The following C14orf39 variants were observed in gnomAD, a reference collection of about 807,000 sequenced individuals.
C14orf39 encodes the protein protein SIX6OS1.
A neutral mutation model predicts 85.6 loss-of-function variants in C14orf39; 66 were observed. The observed-to-expected ratio is 0.77, with a 90% CI of 0.63 to 0.95. The LOEUF is 0.95. C14orf39 is among the 40% of genes least tolerant of loss of function. C14orf39 has a pLI of 0.00. For synonymous variants in C14orf39, 242 were observed against 214.0 expected, an observed-to-expected ratio of 1.13 and a Z score of -1.14; for missense variants, 735 against 663.9, an observed-to-expected ratio of 1.11 and a Z score of -1.18.
At chr14:60,438,684 A>G (rs1449145032) in intron 17 of C14orf39, among the ~76,000 whole-genome samples, 1 of 152,170 alleles carries the variant, frequency 6.6e-6, no homozygotes, top group Non-Finnish European at 1.5e-5. Flanking sequence ...AGATATTCAG[A>G]AAAGAGAGGG....
chr14:60,487,439 C>T, upstream of C14orf39, among the ~76,000 whole-genome samples: 1 of 151,726 alleles, frequency 6.6e-6, no homozygotes, highest in East Asian at 1.9e-4. Context: ...CATCCATCAT[C>T]CATGTGGTCA....
At chr14:60,496,340 T>A in intron 2 of C14orf39, 1 of 355,742 alleles carries the variant, frequency 2.8e-6, no homozygotes. Flanking sequence ...CCATAGTGCC[T>A]GAAGAGTCAC....
rs1177915746 is a variant in C14orf39, at chr14:60,484,296, C to A, written c.107-479G>T. On this transcript the variant is annotated intron_variant, in intron 3 of 17. Transcript: ENST00000321731. The surrounding 1 kb of genome is among the most constrained non-coding windows in gnomAD (Gnocchi z 4.2). ...ATAGAAGATAAAATGGACATAATTTCTTAAAAAGATTAAAATAAATTCTTA... is the reference window on the plus strand; with the variant it reads ...ATAGAAGATAAAATGGACATAATTTATTAAAAAGATTAAAATAAATTCTTA... Among the ~76,000 whole-genome samples the A allele has an allele frequency of 6.6e-6, 1 of 152,074 alleles. No individual in the cohort carries two copies. Among genetic ancestry groups the A allele is most frequent in the African/African-American group, 2.4e-5 (1 of 41,410 alleles).
intron 2 of C14orf39, chr14:60,494,242 T>C: frequency 5.1e-6 from 1 of 197,280 alleles, no homozygotes; most frequent in South Asian, 1.0e-4. Context: ...ATAGGCAGCT[T>C]CTTTCCATGG....
At chr14:60,511,535 G>A (rs1251775976) in intron 1 of C14orf39, 3 of 561,332 alleles carry the variant, frequency 5.3e-6, no homozygotes, top group African/African-American at 3.8e-5. Flanking sequence ...AGTCTCCTTC[G>A]GAACCCGAAC....
intron 5 of C14orf39, among the ~76,000 whole-genome samples, chr14:60,474,477 C>T (rs1371547193): frequency 1.3e-5 from 1 of 75,546 alleles, no homozygotes; most frequent in Non-Finnish European, 3.4e-5. Flanking sequence ...CTGTCTTGTG[C>T]CAGTTTTCAA....
intron 5 of C14orf39, among the ~76,000 whole-genome samples, chr14:60,472,188 A>G (rs1892119088): frequency 6.6e-6 from 1 of 151,876 alleles, no homozygotes; most frequent in Non-Finnish European, 1.5e-5. Context: ...TTTAATCTTC[A>G]ATTTTCATTA....
At chr14:60,475,491 C>T (rs1595478019) in intron 5 of C14orf39, among the ~76,000 whole-genome samples, 2 of 152,196 alleles carry the variant, frequency 1.3e-5, no homozygotes, top group Admixed American at 6.5e-5. Flanking sequence ...ATGATTTTTA[C>T]ATGTTTAAAT....
intron 9 of C14orf39, among the ~76,000 whole-genome samples, chr14:60,467,861 A>G (rs1437156297): frequency 2.0e-5 from 3 of 151,746 alleles, no homozygotes; most frequent in South Asian, 2.1e-4. Flanking sequence ...AAGTAGGGGG[A>G]AAAAGTAAAA....
intron 16 of C14orf39, among the ~76,000 whole-genome samples, chr14:60,447,952 C>G (rs555323093): frequency 6.6e-6 from 1 of 152,296 alleles, no homozygotes; most frequent in Non-Finnish European, 1.5e-5. Context: ...AAAGGATTCC[C>G]TATTTAATAA....
chr14:60,437,193 C>G (rs1385404987), intron 17 of C14orf39, 146 bp from the exon 18 acceptor site: 1 of 594,398 alleles, frequency 1.7e-6, no homozygotes, highest in East Asian at 2.9e-5. Flanking sequence ...TTGTATTCCT[C>G]TTAAGTGCAA....
At chr14:60,494,016 A>T (rs140621364) in intron 2 of C14orf39, 2 of 205,744 alleles carry the variant, frequency 9.7e-6, no homozygotes, top group Non-Finnish European at 2.0e-5. Flanking sequence ...AAAGAGGGAC[A>T]CTGGAAGGGT....
chr14:60,474,201 T>C (rs1351655826), intron 5 of C14orf39, among the ~76,000 whole-genome samples: 1 of 152,172 alleles, frequency 6.6e-6, no homozygotes, highest in Non-Finnish European at 1.5e-5. Flanking sequence ...TTTGGCTGTT[T>C]GTCTGTTATT....
intron 7 of C14orf39, among the ~76,000 whole-genome samples, chr14:60,470,254 A>G (rs1205709070): frequency 6.6e-6 from 1 of 151,844 alleles, no homozygotes; most frequent in Non-Finnish European, 1.5e-5. Context: ...CTATTAATAC[A>G]TTCCACGTGG....
rs778069964 is a variant in C14orf39 at position 60,469,617 on chromosome 14, T to A, written c.591A>T (p.Lys197Asn). Residue 197 changes from lysine to asparagine, a missense_variant, in exon 8 of 18, where the codon AAA (lysine) becomes AAT (asparagine). Lys to Asn is a moderately conservative substitution (Grantham distance 94). Coordinates refer to ENST00000321731, the MANE Select transcript of C14orf39 (RefSeq NM_174978.3). Reference protein sequence around the residue: ...NLRCETQDILKHASNLTKSSS... With the variant: ...NLRCETQDILNHASNLTKSSS... ...AACTTTTGGTAAGATTGCTGGCATG[T>A]TTAAGAATATCTTGTGTTTCACATC... 1.3e-6 allele frequency: 2 copies of A among 1,504,158 alleles called. No individual in the cohort carries two copies. The highest frequency in any genetic ancestry group is 1.8e-6 in the Non-Finnish European group (2 of 1,112,134). The allele number at this position is 1,504,158 out of a possible 1,614,324, so 93.2% of individuals were successfully genotyped here. A position where few individuals can be genotyped will look rare whatever the true frequency, so the allele number is the denominator to read the frequency against.
In C14orf39 at chr14:60,484,769, T is replaced by C. The variant is rs1321767256; in HGVS notation, c.106+112A>G. 1.4e-6 allele frequency: 1 copy of C among 727,580 alleles called. No individual in the cohort carries two copies. The highest frequency in any genetic ancestry group is 1.8e-5 in the South Asian group (1 of 56,066). The allele number at this position is 727,580 out of a possible 1,614,324, so 45.1% of individuals were successfully genotyped here. A position where few individuals can be genotyped will look rare whatever the true frequency, so the allele number is the denominator to read the frequency against. ...TAGTTTATTTGTCGCTAGAGAGAAC[T>C]GACACAAAAGTTATAACGCCAACAA... On this transcript the variant is annotated intron_variant, in intron 3 of 17. Coordinates refer to ENST00000321731, the MANE Select transcript of C14orf39 (RefSeq NM_174978.3). This position sits in a 1 kb window ranked among gnomAD's most constrained non-coding sequence, Gnocchi z 4.2.
intron 8 of C14orf39, among the ~76,000 whole-genome samples, chr14:60,468,927 GTATT>G (rs920780888): frequency 2.0e-5 from 3 of 151,300 alleles, no homozygotes; most frequent in African/African-American, 7.3e-5. Flanking sequence ...TAAGTATACA[GTATT>G]TAACATAATT....
chr14:60,445,343 T>A (rs575966680), intron 16 of C14orf39, among the ~76,000 whole-genome samples: 33 of 151,914 alleles, frequency 2.2e-4, no homozygotes, highest in Non-Finnish European at 3.4e-4. Flanking sequence ...GAGACACACA[T>A]AGGCTCAAAA....
Position 60,436,955 on chromosome 14 carries a change from C to T in C14orf39, c.1654G>A (p.Asp552Asn). The change falls in exon 18 of 18, where the codon GAT becomes AAT. Residue 552 changes from aspartate to asparagine, a missense_variant. Transcript: ENST00000321731. Reference protein sequence around the residue: ...STHTFGAGKDDFSFPFSFGQG... With the variant: ...STHTFGAGKDNFSFPFSFGQG... ...CCAAATGAAAATGGAAAACTAAAATCATCTTTTCCAGCTCCAAATGTATGA... is the reference window on the plus strand; with the variant it reads ...CCAAATGAAAATGGAAAACTAAAATTATCTTTTCCAGCTCCAAATGTATGA... 1 of 1,612,550 alleles carries T rather than the reference C, an allele frequency of 6.2e-7. No homozygotes were observed. The highest frequency in any genetic ancestry group is 8.5e-7 in the Non-Finnish European group (1 of 1,178,938).
Sources: allele counts gnomAD v4.1 joint callset (sites outside exome capture counted in the v4.1 genomes callset), GRCh38; gene constraint gnomAD v4.1.1; non-coding constraint Gnocchi (gnomAD v3.1); transcripts MANE v1.5; gene names NCBI Gene and HGNC (gene_info 2026-07-23, HGNC 2026-07-21).